The following ASMT variants were observed in gnomAD, a reference collection of about 807,000 sequenced individuals.
The protein encoded by ASMT is acetylserotonin N-methyltransferase.
A neutral mutation model predicts 41.3 loss-of-function variants in ASMT; 53 were observed. The observed-to-expected ratio is 1.28, with a 90% CI of 1.03 to 1.61. The LOEUF (loss-of-function observed/expected upper bound fraction) is 1.61, where lower values mean the gene tolerates loss of function less well. ASMT is among the 40% of genes most tolerant of loss of function. ASMT has a pLI of 0.00. For synonymous variants in ASMT, 231 were observed against 184.8 expected (o/e 1.25, Z -2.03); for missense variants, 531 against 441.3 (o/e 1.20, Z -1.82).
chrX:1,635,263 C>T (rs1274954984), intron 7 of ASMT, among the ~76,000 whole-genome samples: 79 of 139,928 alleles, frequency 5.6e-4, no homozygotes, highest in East Asian at 4.1e-3. Flanking sequence ...GGATTACAGG[C>T]GTGAGCCACC....
chrX:1,616,912 G>T (rs1263507671), intron 1 of ASMT, among the ~76,000 whole-genome samples: 1 of 151,900 alleles, frequency 6.6e-6, no homozygotes, highest in Non-Finnish European at 1.5e-5. Context: ...GTTTCACCGT[G>T]TTAGCCAGGA....
intron 7 of ASMT, among the ~76,000 whole-genome samples, chrX:1,635,882 A>C (rs1426003695): frequency 2.0e-5 from 3 of 150,306 alleles, no homozygotes; most frequent in East Asian, 2.0e-4. Context: ...AACAAACAAA[A>C]AAACAAAAAA....
rs188056403 is a variant in ASMT at position 1,633,136 on chromosome X, G to A, written c.647-14G>A. On this transcript the variant is annotated splice_polypyrimidine_tract_variant and intron_variant, in intron 6 of 8. Transcript: ENST00000381241. ...TTCATCTCTGAGGGTCAAACGGGCT[G>A]TGTCCCCTTCCAGGTGGGGCTGGAG... The A allele has an allele frequency of 1.5e-5, 25 of 1,613,942 alleles. No homozygotes were observed. In the African/African-American group the frequency reaches 3.2e-4, roughly 21 times the overall value.
intron 1 of ASMT, among the ~76,000 whole-genome samples, chrX:1,620,388 G>A (rs1327109836): frequency 6.6e-6 from 1 of 151,468 alleles, no homozygotes; most frequent in African/African-American, 2.4e-5. Context: ...GGCTGGTGTC[G>A]AACTCTTGAC....
intron 1 of ASMT, among the ~76,000 whole-genome samples, chrX:1,619,572 T>TAAC (rs1380751624): frequency 7.2e-6 from 1 of 138,006 alleles, no homozygotes; most frequent in African/African-American, 2.8e-5. Flanking sequence ...ATAATAATAA[T>TAAC]AATAATAATA....
At chrX:1,622,755 C>T (rs1934381311) in intron 1 of ASMT, among the ~76,000 whole-genome samples, 1 of 150,772 alleles carries the variant, frequency 6.6e-6, no homozygotes, top group Admixed American at 6.6e-5. Context: ...TTACTAAAAA[C>T]ACAAAAATTA....
chrX:1,617,187 G>A (rs1159752327), intron 1 of ASMT, among the ~76,000 whole-genome samples: 21 of 149,866 alleles, frequency 1.4e-4, no homozygotes, highest in South Asian at 1.1e-3. Flanking sequence ...AAAAATAAAC[G>A]GCAGGGCGCG....
intron 7 of ASMT, among the ~76,000 whole-genome samples, chrX:1,635,878 C>CA (rs1170306595): frequency 1.1e-4 from 17 of 148,370 alleles, no homozygotes; most frequent in Admixed American, 8.0e-4. Flanking sequence ...AACAAACAAA[C>CA]AAAAAAACAA....
Position 1,623,275 on chromosome X carries a change from C to G in ASMT, c.206C>G (p.Ser69Cys). The change falls in exon 2 of 9, where the codon TCC becomes TGC. Residue 69 changes from serine to cysteine, a missense_variant. Transcript: ENST00000381241. ...GTELLLDICV[S>C]LKLLKVETRG... ...GAGCTCCTGCTGGACATCTGTGTGT[C>G]CCTGAAGCTGCTGAAAGTGGAGACG... The G allele has an allele frequency of 6.2e-7, 1 of 1,613,922 alleles. No individual in the cohort carries two copies. The highest frequency in any genetic ancestry group is 8.5e-7 in the Non-Finnish European group (1 of 1,179,874).
chrX:1,630,916 TA>T (rs201999124), intron 5 of ASMT, among the ~76,000 whole-genome samples: 62 of 147,300 alleles, frequency 4.2e-4, no homozygotes, highest in Admixed American at 6.8e-4. Context: ...TTTATTTATT[TA>T]TTTTTTTTTT....
chrX:1,615,676 C>G (rs1445156955), intron 1 of ASMT, among the ~76,000 whole-genome samples: 1 of 151,878 alleles, frequency 6.6e-6, no homozygotes, highest in Non-Finnish European at 1.5e-5. Flanking sequence ...GTGGTACATG[C>G]CTATAATCCC....
At chrX:1,642,690 G>T (rs1326102025) in intron 8 of ASMT, 113 bp from the exon 9 acceptor site, 1 of 942,508 alleles carries the variant, frequency 1.1e-6, no homozygotes, top group Non-Finnish European at 1.7e-6. Flanking sequence ...GTGTGATGGG[G>T]ACGGTGCCCT....
In ASMT at chrX:1,627,770, A is replaced by G; in HGVS notation, c.442A>G (p.Arg148Gly). ...PAEELFTAIY[R>G]SEGERLQFMQ... ...TGAAGAGCTTTTTACGGCCATCTAC[A>G]GGTAACACCCATCACTTTGAAACCA... The change falls in exon 4 of 9, where the codon AGG (arginine) becomes GGG (glycine). Residue 148 changes from arginine to glycine, a missense_variant and splice_region_variant. Transcript: ENST00000381241. 1 of 1,613,764 alleles carries G rather than the reference A, an allele frequency of 6.2e-7. No individual in the cohort carries two copies. The highest frequency in any genetic ancestry group is 2.2e-5 in the East Asian group (1 of 44,888).
intron 4 of ASMT, among the ~76,000 whole-genome samples, chrX:1,629,328 G>C (rs181127619): frequency 5.9e-5 from 9 of 152,082 alleles, no homozygotes; most frequent in Admixed American, 2.0e-4. Context: ...GAGCTGTGGG[G>C]GGGGAGGAGC....
chrX:1,634,667 T>A (rs1934894015), intron 7 of ASMT, among the ~76,000 whole-genome samples: 1 of 146,738 alleles, frequency 6.8e-6, no homozygotes, highest in African/African-American at 2.5e-5. Flanking sequence ...CCCCCCTTTT[T>A]TTTTCTTGTT....
intron 1 of ASMT, 55 bp from the exon 2 acceptor site, chrX:1,623,084 A>G: frequency 6.3e-7 from 1 of 1,594,518 alleles, no homozygotes; most frequent in Non-Finnish European, 8.6e-7. Flanking sequence ...TGTTTCTAAG[A>G]CTGTGGTTCC....
chrX:1,627,691 C>G lies in ASMT; in HGVS notation c.375-12C>G. ...AATGAAATGAAAATCAGCCTTCTCT[C>G]TCTTTTCTTAGAGAAGGAAGGAACC... On this transcript the variant is annotated splice_polypyrimidine_tract_variant and intron_variant, in intron 3 of 8. Coordinates refer to ENST00000381241, the MANE Select transcript of ASMT (RefSeq NM_001171038.2). 1 of 1,607,270 alleles carries G rather than the reference C, an allele frequency of 6.2e-7. No individual in the cohort carries two copies. The highest frequency in any genetic ancestry group is 8.5e-7 in the Non-Finnish European group (1 of 1,174,032).
At chrX:1,629,383 C>G (rs1358319545) in intron 4 of ASMT, among the ~76,000 whole-genome samples, 1 of 152,130 alleles carries the variant, frequency 6.6e-6, no homozygotes, top group African/African-American at 2.4e-5. Flanking sequence ...TCTGTGTCCA[C>G]CTATCCTTCT....
intron 1 of ASMT, among the ~76,000 whole-genome samples, chrX:1,616,758 G>T (rs1229255238): frequency 6.7e-6 from 1 of 149,572 alleles, no homozygotes; most frequent in African/African-American, 2.4e-5. Flanking sequence ...GCCCAGGCTG[G>T]AGTGCAATGG....
Sources: allele counts gnomAD v4.1 joint callset (sites outside exome capture counted in the v4.1 genomes callset), GRCh38; gene constraint gnomAD v4.1.1; transcripts MANE v1.5; gene names NCBI Gene and HGNC (gene_info 2026-07-23, HGNC 2026-07-21).